Variants in COL27A1 observed in about 807,000 individuals in gnomAD.
COL27A1 encodes collagen alpha-1(XXVII) chain.
In COL27A1, 106 loss-of-function variants were observed where a neutral mutation model predicts 251.3. That is an observed-to-expected ratio of 0.42 (90% CI 0.36 to 0.50). The LOEUF (loss-of-function observed/expected upper bound fraction) is 0.50. Among genes scored for constraint, COL27A1 ranks in the 20% least tolerant of loss-of-function variants. COL27A1 has a pLI of 0.00. For synonymous variants in COL27A1, 1,000 were observed against 986.3 expected, an observed-to-expected ratio of 1.01 and a Z score of -0.26; for missense variants, 2,325 against 2,522.8, an observed-to-expected ratio of 0.92 and a Z score of 1.68.
At chr9:114,280,178 G>A (rs1208968490) in intron 37 of COL27A1, among the ~76,000 whole-genome samples, 1 of 151,480 alleles carries the variant, frequency 6.6e-6, no homozygotes, top group Non-Finnish European at 1.5e-5. Context: ...AACAAGTTTT[G>A]TAGCAACCTA....
At chr9:114,173,287 T>A (rs1409819976) in intron 3 of COL27A1, among the ~76,000 whole-genome samples, 2 of 152,250 alleles carry the variant, frequency 1.3e-5, no homozygotes, top group African/African-American at 4.8e-5. Context: ...TTTTTGCAAA[T>A]GTCCCCTCGG....
At chr9:114,292,299 A>C in intron 49 of COL27A1, 89 bp downstream of exon 49, 3 of 1,017,688 alleles carry the variant, frequency 2.9e-6, no homozygotes, top group Non-Finnish European at 4.4e-6. Context: ...ATGCACACTC[A>C]TACACACACA....
intron 5 of COL27A1, among the ~76,000 whole-genome samples, chr9:114,189,798 A>G (rs1193429672): frequency 4.6e-5 from 7 of 152,188 alleles, no homozygotes; most frequent in Non-Finnish European, 1.5e-5. Flanking sequence ...GCTCTCATCT[A>G]GTGAAAATAA....
At chr9:114,286,485 T>C (rs529238246) in intron 41 of COL27A1, among the ~76,000 whole-genome samples, 33 of 152,228 alleles carry the variant, frequency 2.2e-4, no homozygotes, top group Non-Finnish European at 4.0e-4. Context: ...GGAAGCCATA[T>C]GCAATTTAAC....
intron 24 of COL27A1, among the ~76,000 whole-genome samples, chr9:114,248,479 G>A (rs1030100175): frequency 6.6e-6 from 1 of 152,212 alleles, no homozygotes; most frequent in South Asian, 2.1e-4. Context: ...CTGGGAACTC[G>A]GATCCTGCCT....
Position 114,240,319 on chromosome 9 carries a change from C to G in COL27A1, c.2781+46C>G, listed in dbSNP as rs367719546. ...GCTCCAGTTGGAGGAGCAGACAGCT[C>G]TGCAGAAACCACAGGGGCTGGCTGC... is the stretch of plus-strand genomic sequence containing the variant. On this transcript the variant is annotated intron_variant, in intron 20 of 60. Coordinates refer to ENST00000356083, the MANE Select transcript of COL27A1 (RefSeq NM_032888.4). 37 of 1,583,186 alleles carry G rather than the reference C, an allele frequency of 2.3e-5. No homozygotes were observed. The African/African-American group carries it at 4.7e-4, about 20-fold the overall frequency.
chr9:114,278,239 C>T (rs1835625026), intron 37 of COL27A1, among the ~76,000 whole-genome samples: 4 of 142,842 alleles, frequency 2.8e-5, no homozygotes, highest in Non-Finnish European at 6.1e-5. Context: ...GGTGGTAGTA[C>T]TGATGATGGT....
At chr9:114,195,748 T>C (rs1829076210) in intron 6 of COL27A1, among the ~76,000 whole-genome samples, 2 of 152,188 alleles carry the variant, frequency 1.3e-5, no homozygotes, top group Admixed American at 6.5e-5. Context: ...ATAGATCAGA[T>C]GGAGCCGCTG....
In COL27A1 at chr9:114,235,644, G is replaced by C; in HGVS notation, c.2611G>C (p.Gly871Arg). The C allele has an allele frequency of 6.2e-7, 1 of 1,613,170 alleles. No homozygotes were observed. ...PGVSGDPGFQ[G>R]DKGSQGLPGF... ...TGTGTCAGGAGATCCCGGATTCCAA[G>C]GAGACAAGGTAATTGCATGAGATTT... Residue 871 changes from glycine (G) to arginine (R), a missense_variant, in exon 17 of 61, where the codon GGA (glycine) becomes CGA (arginine). Around this residue, in one of 4 missense-constraint regions of COL27A1, gnomAD observed 662 missense variants for 795.3 expected, o/e 0.83. Transcript: ENST00000356083.
chr9:114,167,963 C>G lies in COL27A1; in HGVS notation c.408C>G (p.Val136=). ...TGCAGTTCCTCCCCGGCAAGACGGT[C>G]GTCCACCTCGGGTCCCGGCGCTCAG... ...LGLQFLPGKT[V]VHLGSRRSVA... Residue 136 remains valine (V), a synonymous_variant, in exon 3 of 61, where the codon GTC becomes GTG. Transcript: ENST00000356083. 6.2e-7 allele frequency: 1 copy of G among 1,607,194 alleles called. No homozygotes were observed. The highest frequency in any genetic ancestry group is 8.5e-7 in the Non-Finnish European group (1 of 1,179,848).
At chr9:114,257,343 C>T (rs1354758986) in intron 27 of COL27A1, among the ~76,000 whole-genome samples, 1 of 144,366 alleles carries the variant, frequency 6.9e-6, no homozygotes, top group Non-Finnish European at 1.5e-5. Flanking sequence ...TGAGGTCTCT[C>T]AAGCTGGGCC....
chr9:114,220,037 G>A (rs1413652804), intron 13 of COL27A1, among the ~76,000 whole-genome samples, 193 bp downstream of exon 13: 3 of 152,010 alleles, frequency 2.0e-5, no homozygotes, highest in South Asian at 2.1e-4. Context: ...CTGCACCGTC[G>A]CCCCCCTGTA....
At position 114,305,057 on chromosome 9, in the gene COL27A1, G is replaced by A. The variant is rs569995305; in HGVS notation, c.4938+384G>A. 3.9e-5 allele frequency among the ~76,000 whole-genome samples: 6 copies of A among 152,296 alleles called. 1 individual carries two copies. The South Asian group carries it at 6.2e-4, about 16-fold the overall frequency. ...GGAGTAAGAAGCTCATGGTTAGCTC[G>A]TGGGGCTCTGCTAAGAACCTGCCCT... On this transcript the variant is annotated intron_variant, in intron 57 of 60. Transcript: ENST00000356083.
At chr9:114,171,062 G>A (rs1849284374) in intron 3 of COL27A1, among the ~76,000 whole-genome samples, 1 of 152,230 alleles carries the variant, frequency 6.6e-6, no homozygotes, top group Non-Finnish European at 1.5e-5. Context: ...AGTATCTTGG[G>A]TCTGCTGTAT....
intron 36 of COL27A1, among the ~76,000 whole-genome samples, chr9:114,274,751 T>G (rs1835378297): frequency 6.6e-6 from 1 of 152,196 alleles, no homozygotes; most frequent in Non-Finnish European, 1.5e-5. Context: ...TCCGATTCAT[T>G]GCCTTGGGAG....
At chr9:114,194,731 G>T (rs1188192494) in intron 6 of COL27A1, among the ~76,000 whole-genome samples, 1 of 152,214 alleles carries the variant, frequency 6.6e-6, no homozygotes, top group Non-Finnish European at 1.5e-5. Context: ...CACACGCTTG[G>T]TGAATGTCCT....
At chr9:114,205,388 G>A (rs1213793290) in intron 8 of COL27A1, among the ~76,000 whole-genome samples, 1 of 152,252 alleles carries the variant, frequency 6.6e-6, no homozygotes, top group Non-Finnish European at 1.5e-5. Flanking sequence ...CACAACGCCA[G>A]TTGGAGCCAT....
intron 36 of COL27A1, 82 bp downstream of exon 36, chr9:114,270,863 A>T: frequency 2.8e-6 from 3 of 1,054,176 alleles, no homozygotes; most frequent in Non-Finnish European, 4.4e-6. Flanking sequence ...CCTCCCAGAA[A>T]CACTGTGTTC....
At position 114,272,320 on chromosome 9, in the gene COL27A1, G is replaced by A. The variant is rs549620159; in HGVS notation, c.3609+1539G>A. On this transcript the variant is annotated intron_variant, in intron 36 of 60. Coordinates refer to ENST00000356083, the MANE Select transcript of COL27A1 (RefSeq NM_032888.4). ...TTGGAAAGTCCACTGAGGTGGGCGGGAGGGGGTCTTCCAGCCTGGGTGCCT... is the reference window on the plus strand; with the variant it reads ...TTGGAAAGTCCACTGAGGTGGGCGGAAGGGGGTCTTCCAGCCTGGGTGCCT... The A allele has an allele frequency of 8.5e-5, 13 of 152,336 alleles. No homozygotes were observed. In the East Asian group the frequency reaches 2.5e-3, roughly 29 times the overall value. The allele number at this position is 152,336 out of a possible 1,614,324, so 9.4% of individuals were successfully genotyped here. A position where few individuals can be genotyped will look rare whatever the true frequency, so the allele number is the denominator to read the frequency against.
Sources: allele counts gnomAD v4.1 joint callset (sites outside exome capture counted in the v4.1 genomes callset), GRCh38; gene constraint gnomAD v4.1.1; regional missense constraint gnomAD v4.1.1; transcripts MANE v1.5; gene names NCBI Gene and HGNC (gene_info 2026-07-23, HGNC 2026-07-21).